ADAM12: variants seen among roughly 807,000 people sequenced by gnomAD.
The protein encoded by ADAM12 is ADAM metallopeptidase domain 12.
A neutral mutation model predicts 106.4 loss-of-function variants in ADAM12; 70 were observed. The observed-to-expected ratio is 0.66, with a 90% CI of 0.54 to 0.80. The LOEUF (loss-of-function observed/expected upper bound fraction) is 0.80, where lower values mean the gene tolerates loss of function less well. ADAM12 is among the 30% of genes least tolerant of loss of function. The pLI, the probability that ADAM12 is intolerant of heterozygous loss-of-function variation, is 0.00. For missense variants in ADAM12, 1,010 were observed against 1,171.9 expected (o/e 0.86, Z 2.02); for synonymous variants, 420 against 433.5 (o/e 0.97, Z 0.39).
At chr10:126,294,382 C>T (rs1672612429) in intron 2 of ADAM12, among the ~76,000 whole-genome samples, 1 of 152,148 alleles carries the variant, frequency 6.6e-6, no homozygotes, top group Admixed American at 6.5e-5. Flanking sequence ...ATCACCAAAA[C>T]CTTAGCGTAT....
Position 126,118,030 on chromosome 10 carries a change from C to A in ADAM12, c.603+8G>T, listed in dbSNP as rs751508293. On this transcript the variant is annotated splice_region_variant and intron_variant, in intron 6 of 22. Transcript: ENST00000448723. ...TTCCAGAAACACAAAATCAGGTATC[C>A]CCCTTACCCTTCTTGCCCATGTCTG... 2.5e-6 allele frequency: 4 copies of A among 1,612,868 alleles called. No individual in the cohort carries two copies. In the African/African-American group the frequency reaches 5.3e-5, roughly 22 times the overall value.
intron 3 of ADAM12, among the ~76,000 whole-genome samples, chr10:126,212,524 T>A (rs1258681893): frequency 6.6e-6 from 1 of 152,180 alleles, no homozygotes; most frequent in Non-Finnish European, 1.5e-5. Context: ...GATAGAGAGT[T>A]AAGCAGCAGC....
chr10:126,080,584 G>T (rs1447119538), intron 11 of ADAM12, among the ~76,000 whole-genome samples: 2 of 152,196 alleles, frequency 1.3e-5, no homozygotes, highest in African/African-American at 4.8e-5. Flanking sequence ...CAAAGCCGTG[G>T]CAGGGTGACT....
intron 5 of ADAM12, among the ~76,000 whole-genome samples, chr10:126,134,549 C>T (rs182047392): frequency 1.6e-4 from 25 of 152,256 alleles, no homozygotes; most frequent in Admixed American, 1.2e-3. Flanking sequence ...AAAGGACCAA[C>T]GCTGGTAAAT....
chr10:126,038,311 G>A lies in ADAM12; in HGVS notation c.2279C>T (p.Pro760Leu). The change falls in exon 20 of 23, where the codon CCC becomes CTC. Residue 760 changes from proline (P) to leucine (L), a missense_variant. By Grantham distance (98) the Pro-to-Leu change is moderately conservative. Transcript: ENST00000448723. ...RPSRPPRGFQ[P>L]CQAHLGHLGK... Reference sequence around the variant, plus strand: ...AAGGTGGCCGAGGTGAGCCTGACAGGGTTGGAAGCCACGGGGTGGCCGGGA... The same window carrying A: ...AAGGTGGCCGAGGTGAGCCTGACAGAGTTGGAAGCCACGGGGTGGCCGGGA... 2 of 1,609,584 alleles carry A rather than the reference G, an allele frequency of 1.2e-6. No individual in the cohort carries two copies. Among genetic ancestry groups the A allele is most frequent in the Non-Finnish European group, 1.7e-6 (2 of 1,177,348 alleles).
chr10:126,035,870 A>G (rs1441421505), intron 21 of ADAM12, among the ~76,000 whole-genome samples: 1 of 152,174 alleles, frequency 6.6e-6, no homozygotes, highest in African/African-American at 2.4e-5. Flanking sequence ...GCTATTCTCA[A>G]TAGTGTCATC....
chr10:126,018,703 G>A (rs922220328), intron 22 of ADAM12, among the ~76,000 whole-genome samples: 2 of 152,110 alleles, frequency 1.3e-5, no homozygotes, highest in African/African-American at 4.8e-5. Flanking sequence ...GGGTAAGCTG[G>A]CTCCCCTACA....
chr10:126,247,466 A>G (rs1958652832), intron 3 of ADAM12, among the ~76,000 whole-genome samples: 1 of 152,140 alleles, frequency 6.6e-6, no homozygotes, highest in Non-Finnish European at 1.5e-5. Context: ...GAACTTGGAA[A>G]CCCTTGTCCA....
chr10:126,158,027 C>CA (rs1956850731), intron 3 of ADAM12, among the ~76,000 whole-genome samples: 1 of 152,174 alleles, frequency 6.6e-6, no homozygotes, highest in South Asian at 2.1e-4. Context: ...GTCAAGGTGA[C>CA]AGGCGAGGTG....
intron 10 of ADAM12, among the ~76,000 whole-genome samples, chr10:126,098,133 C>T (rs1487059647): frequency 6.6e-6 from 1 of 152,172 alleles, no homozygotes; most frequent in East Asian, 1.9e-4. Context: ...GCGAGGAATT[C>T]CTGGTTTGGA....
chr10:126,082,372 T>TTTTG (rs1554966468), intron 11 of ADAM12, among the ~76,000 whole-genome samples: 2 of 143,218 alleles, frequency 1.4e-5, no homozygotes, highest in Non-Finnish European at 3.0e-5. Flanking sequence ...TGTTTTTTTT[T>TTTTG]TTTTTTTTTT....
intron 11 of ADAM12, among the ~76,000 whole-genome samples, chr10:126,073,274 G>T (rs554953713): frequency 4.0e-4 from 61 of 152,300 alleles, no homozygotes; most frequent in African/African-American, 1.4e-3. Flanking sequence ...TTTTAGTAGA[G>T]ATGGGGTTTC....
chr10:126,143,152 A>G (rs555546216), intron 4 of ADAM12, among the ~76,000 whole-genome samples: 4 of 149,108 alleles, frequency 2.7e-5, no homozygotes, highest in African/African-American at 1.0e-4. Flanking sequence ...ATGTGTATAT[A>G]TGCACGTGTA....
rs530928305 is a variant in ADAM12, at chr10:126,270,769, T to C, written c.260+8146A>G. 7.9e-4 allele frequency among the ~76,000 whole-genome samples: 120 copies of C among 152,278 alleles called. 1 individual carries two copies. Among genetic ancestry groups the C allele is most frequent in the African/African-American group, 2.8e-3 (116 of 41,578 alleles). ...GGGCAGGAGTCCATGTGTGAGCTCC[T>C]GGTAGTGGGGAACACCCACTGCATG... On this transcript the variant is annotated intron_variant, in intron 3 of 22. Transcript: ENST00000448723.
At chr10:126,142,786 A>C (rs1303874098) in intron 4 of ADAM12, among the ~76,000 whole-genome samples, 1 of 152,324 alleles carries the variant, frequency 6.6e-6, no homozygotes, top group South Asian at 2.1e-4. Context: ...AAACTCAGAG[A>C]AAAGCCCATA....
chr10:126,033,225 T>C (rs1954000371), intron 21 of ADAM12, among the ~76,000 whole-genome samples: 1 of 152,186 alleles, frequency 6.6e-6, no homozygotes, highest in African/African-American at 2.4e-5. Flanking sequence ...GGAAGTTTTA[T>C]ACCAGAGAAA....
chr10:126,309,631 CT>C (rs1463809011), intron 2 of ADAM12, among the ~76,000 whole-genome samples: 1 of 152,202 alleles, frequency 6.6e-6, no homozygotes, highest in Non-Finnish European at 1.5e-5. Context: ...TTGCATTACA[CT>C]GAGTGGGAAT....
At chr10:126,056,626 T>TATCCAGTTG (rs1158928932) in intron 14 of ADAM12, among the ~76,000 whole-genome samples, 1 of 104,100 alleles carries the variant, frequency 9.6e-6, no homozygotes, top group African/African-American at 3.2e-5. Flanking sequence ...TGCTTACTCT[T>TATCCAGTTG]GAGTGTGATA....
intron 1 of ADAM12, among the ~76,000 whole-genome samples, chr10:126,360,731 C>G (rs1371149333): frequency 6.6e-6 from 1 of 152,214 alleles, no homozygotes. Context: ...CAAACTGTTT[C>G]AACCTTTGCC....
Sources: allele counts gnomAD v4.1 joint callset (sites outside exome capture counted in the v4.1 genomes callset), GRCh38; gene constraint gnomAD v4.1.1; transcripts MANE v1.5; gene names NCBI Gene and HGNC (gene_info 2026-07-23, HGNC 2026-07-21).